The following LMTK2 variants were observed in gnomAD, a reference collection of about 807,000 sequenced individuals.
LMTK2 encodes serine/threonine-protein kinase LMTK2.
LMTK2 carries 37 observed loss-of-function variants against 127.5 expected under a neutral mutation model. The observed-to-expected ratio is 0.29, with a 90% CI of 0.22 to 0.38. LMTK2 has a LOEUF of 0.38. Among genes scored for constraint, LMTK2 ranks in the 10% least tolerant of loss-of-function variants. LMTK2 has a pLI of 1.00. For missense variants in LMTK2, 1,694 were observed against 1,920.3 expected (o/e 0.88, Z 2.20); for synonymous variants, 819 against 810.1 (o/e 1.01, Z -0.19).
At chr7:98,201,741 C>G (rs1387878398) in intron 11 of LMTK2, among the ~76,000 whole-genome samples, 1 of 152,072 alleles carries the variant, frequency 6.6e-6, no homozygotes. Context: ...TCCTGAGTAG[C>G]TGGGGCTACA....
chr7:98,201,017 C>G (rs1403839508), intron 11 of LMTK2, among the ~76,000 whole-genome samples: 1 of 151,888 alleles, frequency 6.6e-6, no homozygotes, highest in African/African-American at 2.4e-5. Flanking sequence ...ATTTAACTAG[C>G]TTTTCTTTTC....
At chr7:98,146,349 T>A (rs891554190) in intron 3 of LMTK2, among the ~76,000 whole-genome samples, 1 of 152,184 alleles carries the variant, frequency 6.6e-6, no homozygotes, top group African/African-American at 2.4e-5. Context: ...TCAGCCTTCC[T>A]ATTTCTCTAA....
At position 98,194,320 on chromosome 7, in the gene LMTK2, C is replaced by G. The variant is rs747292097; in HGVS notation, c.3855C>G (p.Asp1285Glu). The change falls in exon 11 of 14, where the codon GAC becomes GAG. Residue 1285 changes from aspartate (D) to glutamate (E), a missense_variant. By Grantham distance (45) the Asp-to-Glu change is conservative (BLOSUM62 2). Around this residue, in one of 8 missense-constraint regions of LMTK2, gnomAD observed 554 missense variants for 567.7 expected, o/e 0.98. Coordinates refer to ENST00000297293, the MANE Select transcript of LMTK2 (RefSeq NM_014916.4). This position sits in a 1 kb window ranked among gnomAD's most constrained non-coding sequence, Gnocchi z 5.4. ...TCTCAGAGGACGGGATGGATGCAGA[C>G]GAGGAGGACGAAAACAGCGACGACT... ...LDLSEDGMDA[D>E]EEDENSDDSD... 6.2e-7 allele frequency: 1 copy of G among 1,613,962 alleles called. No homozygotes were observed. Among genetic ancestry groups the G allele is most frequent in the African/African-American group, 1.3e-5 (1 of 74,900 alleles).
chr7:98,109,881 TA>T (rs916549505), intron 1 of LMTK2, among the ~76,000 whole-genome samples: 3 of 151,382 alleles, frequency 2.0e-5, no homozygotes, highest in African/African-American at 7.3e-5. Flanking sequence ...AGACCAAGTT[TA>T]AAAAAAAACC....
Position 98,205,580 on chromosome 7 carries a change from GC to G in LMTK2, c.*90del. ...TCAGCCCGAGCAGCGACATCCACTC[GC>G]CATTTGCTGACATGAGATTGGGAGG... On this transcript the variant is annotated 3_prime_UTR_variant, in exon 14 of 14. Transcript: ENST00000297293. The G allele has an allele frequency of 7.4e-7, 1 of 1,352,746 alleles. No homozygotes were observed. The highest frequency in any genetic ancestry group is 1.0e-6 in the Non-Finnish European group (1 of 963,672). 83.8% of individuals were successfully genotyped at this position (1,352,746 alleles called of 1,614,324 possible).
intron 6 of LMTK2, among the ~76,000 whole-genome samples, chr7:98,167,504 C>T (rs564706886): frequency 3.9e-5 from 6 of 152,298 alleles, no homozygotes; most frequent in African/African-American, 9.6e-5. Context: ...ACCACAGCAG[C>T]GGAGGCATGG....
intron 6 of LMTK2, among the ~76,000 whole-genome samples, chr7:98,160,540 G>T (rs935695065): frequency 4.6e-5 from 7 of 151,872 alleles, no homozygotes; most frequent in African/African-American, 1.5e-4. Flanking sequence ...GTGTTTTTTC[G>T]TGCCTGTAGA....
Position 98,194,213 on chromosome 7 carries a change from C to G in LMTK2, c.3748C>G (p.His1250Asp), listed in dbSNP as rs776838029. Residue 1250 changes from histidine to aspartate, a missense_variant, in exon 11 of 14, where the codon CAC (histidine) becomes GAC (aspartate). Physicochemically the swap from His to Asp is moderately conservative, Grantham distance 81. Transcript: ENST00000297293. This position sits in a 1 kb window ranked among gnomAD's most constrained non-coding sequence, Gnocchi z 5.4. ...TGCGCTGGACAAGTCCCTGTCCAGC[C>G]ACTCCGAGGGCCCGAAGTTGAAGGA... ...NSALDKSLSSHSEGPKLKEPD... is the reference protein window; with the variant it reads ...NSALDKSLSSDSEGPKLKEPD... The G allele has an allele frequency of 9.3e-6, 15 of 1,614,082 alleles. No homozygotes were observed. Among genetic ancestry groups the G allele is most frequent in the African/African-American group, 1.3e-5 (1 of 75,032 alleles).
At chr7:98,144,393 A>G (rs1053873496) in intron 3 of LMTK2, among the ~76,000 whole-genome samples, 3 of 151,608 alleles carry the variant, frequency 2.0e-5, no homozygotes, top group Non-Finnish European at 2.9e-5. Context: ...ATATCTCACC[A>G]TTGCACTCCA....
At chr7:98,165,494 A>T (rs1285114403) in intron 6 of LMTK2, among the ~76,000 whole-genome samples, 2 of 152,214 alleles carry the variant, frequency 1.3e-5, no homozygotes, top group South Asian at 4.1e-4. Flanking sequence ...TATTGTTTTT[A>T]AAAATAGAAA....
In LMTK2 at chr7:98,207,371, A is replaced by G. The variant is rs939217526; in HGVS notation, c.*1879A>G. 1.3e-5 allele frequency: 2 copies of G among 152,052 alleles called. No homozygotes were observed. Among genetic ancestry groups the G allele is most frequent in the African/African-American group, 4.8e-5 (2 of 41,392 alleles). The allele number at this position is 152,052 out of a possible 1,614,324, so 9.4% of individuals were successfully genotyped here. A position where few individuals can be genotyped will look rare whatever the true frequency, so the allele number is the denominator to read the frequency against. On this transcript the variant is annotated 3_prime_UTR_variant, in exon 14 of 14. Transcript: ENST00000297293. ...TTGCCAGTTCCACCCTACTCCTCTCATTTTTTATACTAAGCAATAACTTTC... is the reference window on the plus strand; with the variant it reads ...TTGCCAGTTCCACCCTACTCCTCTCGTTTTTTATACTAAGCAATAACTTTC...
rs146973469 is a variant in LMTK2 at position 98,203,624 on chromosome 7, G to A, written c.4158G>A (p.Pro1386=). 151 of 1,612,832 alleles carry A rather than the reference G, an allele frequency of 9.4e-5. No homozygotes were observed. Among genetic ancestry groups the A allele is most frequent in the African/African-American group, 1.2e-4 (9 of 74,850 alleles). ...LGPCGGEACG[P]DLSGPAPASG... is the part of the protein sequence containing the mutation. ...CCTGTGGAGGAGAGGCGTGCGGCCC[G>A]GACCTGAGCGGCCCAGCCCCAGCCT... Residue 1386 remains proline, a synonymous_variant, in exon 12 of 14, where the codon CCG becomes CCA. Transcript: ENST00000297293.
At chr7:98,115,819 A>G (rs1473619531) in intron 1 of LMTK2, among the ~76,000 whole-genome samples, 1 of 152,214 alleles carries the variant, frequency 6.6e-6, no homozygotes, top group Non-Finnish European at 1.5e-5. Context: ...GTTTGGTTTC[A>G]TCATACCAGT....
chr7:98,195,571 A>G (rs1335132736), intron 11 of LMTK2, among the ~76,000 whole-genome samples: 4 of 152,114 alleles, frequency 2.6e-5, no homozygotes, highest in Non-Finnish European at 4.4e-5. Flanking sequence ...GTGGTGGGAC[A>G]TGAAAATGGG....
At chr7:98,158,672 G>T (rs1443642417) in intron 5 of LMTK2, among the ~76,000 whole-genome samples, 1 of 152,084 alleles carries the variant, frequency 6.6e-6, no homozygotes, top group Non-Finnish European at 1.5e-5. Flanking sequence ...ATCGTATTAG[G>T]TATTACAAGT....
At chr7:98,150,748 A>T (rs1478308686) in intron 3 of LMTK2, among the ~76,000 whole-genome samples, 1 of 152,244 alleles carries the variant, frequency 6.6e-6, no homozygotes, top group Non-Finnish European at 1.5e-5. Context: ...AAGCCATACC[A>T]TCGAAAAAAG....
At chr7:98,180,472 T>C (rs1374274792) in intron 7 of LMTK2, among the ~76,000 whole-genome samples, 2 of 152,246 alleles carry the variant, frequency 1.3e-5, no homozygotes, top group African/African-American at 4.8e-5. Flanking sequence ...AAAAACTTAA[T>C]CTGTTGTCTG....
intron 7 of LMTK2, among the ~76,000 whole-genome samples, chr7:98,177,625 C>T (rs947854383): frequency 2.6e-5 from 4 of 152,206 alleles, no homozygotes; most frequent in East Asian, 1.9e-4. Flanking sequence ...GTCTCAGCCT[C>T]GCAGGTAGCT....
intron 3 of LMTK2, among the ~76,000 whole-genome samples, chr7:98,146,803 C>T (rs1025419815): frequency 5.3e-5 from 8 of 152,138 alleles, no homozygotes; most frequent in Non-Finnish European, 1.2e-4. Context: ...ACAGTAATAA[C>T]GGCTTTCGTA....
Sources: allele counts gnomAD v4.1 joint callset (sites outside exome capture counted in the v4.1 genomes callset), GRCh38; gene constraint gnomAD v4.1.1; regional missense constraint gnomAD v4.1.1; non-coding constraint Gnocchi (gnomAD v3.1); transcripts MANE v1.5; gene names NCBI Gene and HGNC (gene_info 2026-07-23, HGNC 2026-07-21).